ASCC1: variants seen among roughly 807,000 people sequenced by gnomAD.
ASCC1 encodes the protein ASC-1 complex subunit P50.
Under a neutral mutation model 46.6 loss-of-function variants are expected in ASCC1, and 35 were observed. The ratio of observed to expected loss-of-function variants is 0.75; its 90% CI spans 0.57 to 0.99. ASCC1 has a LOEUF of 0.99. Among genes scored for constraint, ASCC1 ranks in the 50% least tolerant of loss-of-function variants. The pLI is 0.00. For synonymous variants in ASCC1, 143 were observed against 146.6 expected, an observed-to-expected ratio of 0.98 and a Z score of 0.18; for missense variants, 376 against 428.7, an observed-to-expected ratio of 0.88 and a Z score of 1.09.
intron 9 of ASCC1, among the ~76,000 whole-genome samples, chr10:72,114,079 TGTCCATG>T (rs1449580082): frequency 6.6e-6 from 1 of 152,198 alleles, no homozygotes; most frequent in Non-Finnish European, 1.5e-5. Flanking sequence ...ACAAAATCAC[TGTCCATG>T]TTTCAAGTTA....
chr10:72,132,158 C>T (rs137904551), intron 8 of ASCC1, among the ~76,000 whole-genome samples: 2,287 of 152,124 alleles, frequency 0.015, 51 homozygotes, highest in African/African-American at 0.053. Context: ...CATGAGCCAC[C>T]GCACCTGGCC....
intron 5 of ASCC1, among the ~76,000 whole-genome samples, chr10:72,184,119 G>A (rs1396850202): frequency 6.6e-6 from 1 of 151,726 alleles, no homozygotes; most frequent in African/African-American, 2.4e-5. Context: ...ACTCCAGCCT[G>A]GGTAACAGAG....
chr10:72,133,003 G>A, intron 8 of ASCC1, 54 bp downstream of exon 8: 2 of 1,612,408 alleles, frequency 1.2e-6, no homozygotes, highest in African/African-American at 1.3e-5. Context: ...AAACCTCAGA[G>A]ATGCCACAAG....
At chr10:72,101,732 T>C (rs955017214) in intron 9 of ASCC1, among the ~76,000 whole-genome samples, 4 of 151,972 alleles carry the variant, frequency 2.6e-5, no homozygotes, top group African/African-American at 9.7e-5. Context: ...GAGATTAACC[T>C]GGGTATGATG....
intron 9 of ASCC1, among the ~76,000 whole-genome samples, chr10:72,118,811 A>C (rs1843820916): frequency 6.6e-6 from 1 of 152,168 alleles, no homozygotes; most frequent in African/African-American, 2.4e-5. Context: ...AAAAGAAAGA[A>C]ATAATATACT....
intron 9 of ASCC1, among the ~76,000 whole-genome samples, chr10:72,115,956 T>C (rs1843445910): frequency 6.6e-6 from 1 of 152,194 alleles, no homozygotes; most frequent in South Asian, 2.1e-4. Context: ...CTCTTTGAAA[T>C]CAAATGGCCC....
At chr10:72,142,098 T>C (rs1235654970) in intron 7 of ASCC1, among the ~76,000 whole-genome samples, 4 of 152,230 alleles carry the variant, frequency 2.6e-5, no homozygotes, top group Admixed American at 1.3e-4. Context: ...TTCAATATGA[T>C]TGTTGATTTA....
chr10:72,121,533 A>G (rs1034412575), intron 9 of ASCC1, among the ~76,000 whole-genome samples: 1 of 115,960 alleles, frequency 8.6e-6, no homozygotes, highest in African/African-American at 1.1e-4. Flanking sequence ...AAAAAAAAAG[A>G]AAAGTAAATA....
At chr10:72,209,615 C>G (rs1857750124) in intron 3 of ASCC1, among the ~76,000 whole-genome samples, 1 of 151,950 alleles carries the variant, frequency 6.6e-6, no homozygotes, top group African/African-American at 2.4e-5. Context: ...GAAACCCCAT[C>G]TCTACTAAAA....
chr10:72,170,302 AATTAACATCACCAATG>A (rs1447796906), intron 5 of ASCC1, among the ~76,000 whole-genome samples: 2 of 152,168 alleles, frequency 1.3e-5, no homozygotes, highest in East Asian at 3.8e-4. Flanking sequence ...ATGGTGTCAA[AATTAACATCACCAATG>A]AGGGACACTG....
chr10:72,114,671 A>T (rs910958774), intron 9 of ASCC1, among the ~76,000 whole-genome samples: 10 of 151,832 alleles, frequency 6.6e-5, no homozygotes, highest in African/African-American at 1.9e-4. Flanking sequence ...GAAAATAATT[A>T]GTTAAACAGA....
At chr10:72,204,435 T>C (rs1373732985) in intron 3 of ASCC1, 2 of 1,550,434 alleles carry the variant, frequency 1.3e-6, no homozygotes, top group East Asian at 4.9e-5. Context: ...GACTTCCAAG[T>C]ATAAATATTC....
chr10:72,129,976 CAAAAAAAA>C (rs34426096), intron 8 of ASCC1, among the ~76,000 whole-genome samples: 1 of 64,326 alleles, frequency 1.6e-5, no homozygotes, highest in Non-Finnish European at 2.7e-5. Flanking sequence ...GACCTTGTCT[CAAAAAAAA>C]AAAAAAAAAA....
intron 5 of ASCC1, among the ~76,000 whole-genome samples, chr10:72,182,141 A>G (rs1852719633): frequency 6.6e-6 from 1 of 152,198 alleles, no homozygotes; most frequent in Non-Finnish European, 1.5e-5. Context: ...TCATTCCCCC[A>G]TGGACATATC....
intron 2 of ASCC1, among the ~76,000 whole-genome samples, chr10:72,211,097 C>G (rs534505117): frequency 6.6e-6 from 1 of 152,248 alleles, no homozygotes; most frequent in East Asian, 1.9e-4. Flanking sequence ...TACGGTAGTT[C>G]CCCCCATCTG....
intron 9 of ASCC1, among the ~76,000 whole-genome samples, chr10:72,104,744 A>G (rs1158427024): frequency 6.6e-6 from 1 of 152,212 alleles, no homozygotes; most frequent in Admixed American, 6.5e-5. Context: ...ATAAAGGAAC[A>G]TAACAACGAA....
intron 7 of ASCC1, chr10:72,133,441 G>C (rs1179216880): frequency 6.7e-6 from 3 of 450,684 alleles, no homozygotes; most frequent in Non-Finnish European, 1.2e-5. Flanking sequence ...ACTCTACATG[G>C]AGAGGGCCAG....
At chr10:72,136,853 T>G (rs1258390671) in intron 7 of ASCC1, among the ~76,000 whole-genome samples, 2 of 150,296 alleles carry the variant, frequency 1.3e-5, no homozygotes, top group Non-Finnish European at 2.9e-5. Context: ...TAACACTCAC[T>G]GCAAAGGTCT....
chr10:72,211,102 C>T (rs112670675), intron 2 of ASCC1, among the ~76,000 whole-genome samples: 14 of 152,272 alleles, frequency 9.2e-5, no homozygotes, highest in African/African-American at 2.9e-4. Flanking sequence ...TAGTTCCCCC[C>T]ATCTGTGGTT....
Sources: gnomAD v4.1 joint callset for allele counts (sites outside exome capture counted in the v4.1 genomes callset) on GRCh38, gnomAD v4.1.1 for gene constraint, MANE v1.5 for transcripts, NCBI Gene and HGNC (gene_info 2026-07-23, HGNC 2026-07-21) for gene names.